Variants in MGAT5B observed in about 807,000 individuals in gnomAD.
MGAT5B encodes the protein N-acetylglucosaminyl-transferase Vb.
Under a neutral mutation model 95.1 loss-of-function variants are expected in MGAT5B, and 54 were observed. That is an observed-to-expected ratio of 0.57 (90% CI 0.46 to 0.71). MGAT5B has a LOEUF of 0.71. Ranked by LOEUF, MGAT5B falls within the 30% of genes least tolerant of loss-of-function variation. The pLI is 0.00. For synonymous variants in MGAT5B, 464 were observed against 451.0 expected, an observed-to-expected ratio of 1.03 and a Z score of -0.36; for missense variants, 935 against 1,088.6, an observed-to-expected ratio of 0.86 and a Z score of 1.99.
At chr17:76,935,430 G>GGGTGGTCATGCCATT (rs200929474) in intron 12 of MGAT5B, among the ~76,000 whole-genome samples, 4 of 151,262 alleles carry the variant, frequency 2.6e-5, no homozygotes, top group Non-Finnish European at 5.9e-5. Flanking sequence ...TTTTTTAAAA[G>GGGTGGTCATGCCATT]TTATTACGAG....
intron 15 of MGAT5B, among the ~76,000 whole-genome samples, chr17:76,945,447 G>A (rs1415562116): frequency 6.6e-6 from 1 of 152,066 alleles, no homozygotes; most frequent in Non-Finnish European, 1.5e-5. Context: ...CTGCCACCAC[G>A]CCTAGCTAAT....
intron 10 of MGAT5B, among the ~76,000 whole-genome samples, chr17:76,931,160 G>C (rs1284511319): frequency 6.6e-6 from 1 of 152,202 alleles, no homozygotes; most frequent in Admixed American, 6.5e-5. Context: ...GTAGTGGCGT[G>C]ATCTCAGCTC....
chr17:76,907,970 C>T (rs1208513447), intron 8 of MGAT5B, among the ~76,000 whole-genome samples: 1 of 152,146 alleles, frequency 6.6e-6, no homozygotes, highest in Non-Finnish European at 1.5e-5. Flanking sequence ...GTTCTTTCGT[C>T]TTGATGAGAT....
chr17:76,873,220 G>T lies in MGAT5B; in HGVS notation c.181+257G>T, dbSNP rs567324934. ...AGCCAGGGTCTTCCAGGCCTCAGAA[G>T]AGGCTGCCAGTGTTGCTTCTTTAGT... On this transcript the variant is annotated intron_variant, in intron 2 of 17. Coordinates refer to ENST00000569840, the MANE Select transcript of MGAT5B (RefSeq NM_001199172.2). Among the ~76,000 whole-genome samples, 54 of 152,390 alleles carry T rather than the reference G, an allele frequency of 3.5e-4. No individual in the cohort carries two copies. The South Asian group carries it at 0.011, about 30-fold the overall frequency.
chr17:76,927,297 T>C (rs1411495421), intron 10 of MGAT5B, among the ~76,000 whole-genome samples: 4 of 152,130 alleles, frequency 2.6e-5, no homozygotes, highest in Admixed American at 2.6e-4. Flanking sequence ...AGTGCAGTGG[T>C]GTGATCTCCT....
chr17:76,888,454 G>A (rs533560081), intron 3 of MGAT5B, among the ~76,000 whole-genome samples: 2 of 152,304 alleles, frequency 1.3e-5, no homozygotes, highest in East Asian at 3.9e-4. Flanking sequence ...ACCTGTGTAC[G>A]TGAGTCTCTG....
chr17:76,932,606 G>C (rs765870522), intron 10 of MGAT5B, 39 bp from the exon 11 acceptor site: 1 of 1,609,258 alleles, frequency 6.2e-7, no homozygotes, highest in Non-Finnish European at 8.5e-7. Flanking sequence ...GCCCTTGGTT[G>C]TTTGGTGACC....
chr17:76,949,220 T>A lies in MGAT5B; in HGVS notation c.*382T>A, dbSNP rs1175201869. The A allele has an allele frequency of 4.4e-6, 1 of 225,392 alleles. No individual in the cohort carries two copies. Among genetic ancestry groups the A allele is most frequent in the African/African-American group, 2.3e-5 (1 of 43,538 alleles). The allele number at this position is 225,392 out of a possible 1,614,324, so 14.0% of individuals were successfully genotyped here. ...TCGTTCTTGGGCCCAGGATGGGGCC[T>A]CTAGACTTGCAAGGGAGAGGAACAG... is the stretch of plus-strand genomic sequence containing the variant. On this transcript the variant is annotated 3_prime_UTR_variant, in exon 18 of 18. Coordinates refer to ENST00000569840, the MANE Select transcript of MGAT5B (RefSeq NM_001199172.2).
intron 2 of MGAT5B, among the ~76,000 whole-genome samples, chr17:76,879,093 C>T (rs1195656993): frequency 1.3e-5 from 2 of 152,204 alleles, no homozygotes; most frequent in Non-Finnish European, 2.9e-5. Flanking sequence ...GGCCAGCCCT[C>T]ATAGTTTTTG....
chr17:76,872,775 G>A, intron 1 of MGAT5B, 76 bp from the exon 2 acceptor site: 9 of 1,612,574 alleles, frequency 5.6e-6, no homozygotes, highest in Non-Finnish European at 7.6e-6. Flanking sequence ...AAACATTTGT[G>A]CAGCCGGTAC....
At chr17:76,871,647 A>G (rs1010409691) in intron 1 of MGAT5B, among the ~76,000 whole-genome samples, 1 of 152,248 alleles carries the variant, frequency 6.6e-6, no homozygotes, top group Admixed American at 6.5e-5. Flanking sequence ...TCTTGCATAA[A>G]GACACAAACA....
In MGAT5B at chr17:76,949,743, G is replaced by T. The variant is rs902660974; in HGVS notation, c.*905G>T. 3 of 152,160 alleles carry T rather than the reference G, an allele frequency of 2.0e-5. No individual in the cohort carries two copies. 9.4% of individuals were successfully genotyped at this position (152,160 alleles called of 1,614,324 possible). On this transcript the variant is annotated 3_prime_UTR_variant, in exon 18 of 18. Transcript: ENST00000569840. Reference sequence around the variant, plus strand: ...ATCAGGCTCTGGGACCCCTGCCTGGGGGGTGGCCTTCATGCACTAGCCACT... The same window carrying T: ...ATCAGGCTCTGGGACCCCTGCCTGGTGGGTGGCCTTCATGCACTAGCCACT...
chr17:76,907,713 G>C (rs931773796), intron 8 of MGAT5B, among the ~76,000 whole-genome samples: 15 of 152,308 alleles, frequency 9.8e-5, no homozygotes, highest in African/African-American at 3.6e-4. Context: ...GTTTTTCTGG[G>C]TATAGACTTA....
intron 15 of MGAT5B, among the ~76,000 whole-genome samples, chr17:76,942,699 G>A (rs532894718): frequency 8.9e-4 from 136 of 152,174 alleles, no homozygotes; most frequent in Non-Finnish European, 1.6e-3. Flanking sequence ...AGTGAAGGGG[G>A]TTAACTGATT....
chr17:76,923,401 C>A (rs1389458723), intron 8 of MGAT5B, among the ~76,000 whole-genome samples: 1 of 152,080 alleles, frequency 6.6e-6, no homozygotes, highest in Non-Finnish European at 1.5e-5. Flanking sequence ...CACCTGAACC[C>A]TGAATCCTGG....
At chr17:76,936,096 G>A (rs1468750367) in intron 12 of MGAT5B, among the ~76,000 whole-genome samples, 2 of 151,532 alleles carry the variant, frequency 1.3e-5, no homozygotes, top group Non-Finnish European at 1.5e-5. Flanking sequence ...CACTGCGCCT[G>A]GCCTTGTCTT....
At chr17:76,941,304 G>A (rs1308392724) in intron 15 of MGAT5B, among the ~76,000 whole-genome samples, 1 of 152,232 alleles carries the variant, frequency 6.6e-6, no homozygotes, top group Non-Finnish European at 1.5e-5. Flanking sequence ...GAGTAGCAAG[G>A]GGGCAGAACA....
chr17:76,933,192 G>T (rs1969550486), intron 11 of MGAT5B, 100 bp from the exon 12 acceptor site: 4 of 1,494,722 alleles, frequency 2.7e-6, no homozygotes, highest in African/African-American at 2.7e-5. Context: ...AGGGTTGGGG[G>T]CCCCAGAGAG....
At position 76,875,208 on chromosome 17, in the gene MGAT5B, G is replaced by C. The variant is rs1464212515; in HGVS notation, c.181+2245G>C. Among the ~76,000 whole-genome samples the C allele has an allele frequency of 2.0e-5, 3 of 152,140 alleles. 1 individual carries two copies. The highest frequency in any genetic ancestry group is 4.4e-5 in the Non-Finnish European group (3 of 68,030). On this transcript the variant is annotated intron_variant, in intron 2 of 17. Transcript: ENST00000569840. ...TTTCAGGAGTTGATATGGTTTGGCTGTATCCCCACCCAAATCTCATCTTGA... is the reference window on the plus strand; with the variant it reads ...TTTCAGGAGTTGATATGGTTTGGCTCTATCCCCACCCAAATCTCATCTTGA...
Sources: gnomAD v4.1 joint callset for allele counts (sites outside exome capture counted in the v4.1 genomes callset) on GRCh38, gnomAD v4.1.1 for gene constraint, MANE v1.5 for transcripts, NCBI Gene and HGNC (gene_info 2026-07-23, HGNC 2026-07-21) for gene names.